Variants in DOCK3 observed in about 807,000 individuals in gnomAD.
DOCK3 encodes the protein dedicator of cytokinesis 3.
DOCK3 carries 60 observed loss-of-function variants against 265.6 expected under a neutral mutation model. The ratio of observed to expected loss-of-function variants is 0.23; its 90% confidence interval spans 0.18 to 0.28. The LOEUF is 0.28. Among genes scored for constraint, DOCK3 ranks in the 10% least tolerant of loss-of-function variants. DOCK3 has a pLI of 1.00. For synonymous variants in DOCK3, 881 were observed against 938.0 expected, an observed-to-expected ratio of 0.94 and a Z score of 1.11; for missense variants, 1,981 against 2,594.3, an observed-to-expected ratio of 0.76 and a Z score of 5.14.
At chr3:51,191,399 T>A (rs1342212682) in intron 12 of DOCK3, among the ~76,000 whole-genome samples, 1 of 152,092 alleles carries the variant, frequency 6.6e-6, no homozygotes, top group Non-Finnish European at 1.5e-5. Flanking sequence ...TGGCTTCCCT[T>A]GGTCCAAGCT....
At chr3:50,855,256 G>A (rs2046531327) in intron 3 of DOCK3, among the ~76,000 whole-genome samples, 1 of 152,068 alleles carries the variant, frequency 6.6e-6, no homozygotes, top group African/African-American at 2.4e-5. Flanking sequence ...CTTTGAATTA[G>A]CAATGAATGT....
intron 1 of DOCK3, among the ~76,000 whole-genome samples, chr3:50,706,726 A>G (rs970902209): frequency 4.0e-5 from 6 of 151,470 alleles, no homozygotes; most frequent in South Asian, 2.1e-4. Context: ...TCAAAATTCA[A>G]TTATTTATTT....
intron 9 of DOCK3, among the ~76,000 whole-genome samples, chr3:51,097,304 C>G (rs2082896742): frequency 6.6e-6 from 1 of 152,166 alleles, no homozygotes; most frequent in Admixed American, 6.5e-5. Flanking sequence ...GATGCCCTTC[C>G]CAGAGTGGAG....
chr3:50,917,216 A>G (rs1361689511), intron 4 of DOCK3, among the ~76,000 whole-genome samples: 1 of 152,164 alleles, frequency 6.6e-6, no homozygotes, highest in Admixed American at 6.5e-5. Flanking sequence ...TGACCTTCAC[A>G]TGATTTCTAG....
intron 5 of DOCK3, among the ~76,000 whole-genome samples, chr3:50,943,020 G>T (rs908839026): frequency 1.3e-5 from 2 of 151,990 alleles, no homozygotes; most frequent in African/African-American, 4.8e-5. Flanking sequence ...AAATGTATCA[G>T]TAACATTTAA....
At chr3:50,690,596 C>A (rs1376157397) in intron 1 of DOCK3, among the ~76,000 whole-genome samples, 2 of 152,160 alleles carry the variant, frequency 1.3e-5, no homozygotes, top group African/African-American at 4.8e-5. Flanking sequence ...CTGGCAACTA[C>A]TGTTCTACAT....
chr3:51,207,720 T>C (rs1310914202), intron 12 of DOCK3, among the ~76,000 whole-genome samples: 4 of 152,146 alleles, frequency 2.6e-5, no homozygotes, highest in Admixed American at 2.6e-4. Context: ...CTATAACTCT[T>C]ACTGGGGTCT....
At chr3:51,350,250 A>G (rs1192911804) in intron 39 of DOCK3, 38 bp from the exon 40 acceptor site, 1 of 1,567,802 alleles carries the variant, frequency 6.4e-7, no homozygotes, top group South Asian at 1.2e-5. Context: ...GGATACCAAC[A>G]GCAGTCAAGC....
At chr3:50,735,798 G>A (rs1191243611) in intron 1 of DOCK3, among the ~76,000 whole-genome samples, 1 of 152,086 alleles carries the variant, frequency 6.6e-6, no homozygotes, top group South Asian at 2.1e-4. Context: ...AGGTTTAATT[G>A]GCTCATGGTT....
chr3:50,675,396 G>A lies in DOCK3; in HGVS notation c.37+96G>A. ...TTCGCATCCTCGTGCCCCCGCCACT[G>A]CCCGCAGGCTGCGCGGCCTCGGCGC... On this transcript the variant is annotated intron_variant, in intron 1 of 52. Coordinates refer to ENST00000266037, the MANE Select transcript of DOCK3 (RefSeq NM_004947.5). This position sits in a 1 kb window ranked among gnomAD's most constrained non-coding sequence, Gnocchi z 6.1. 9.3e-7 allele frequency: 1 copy of A among 1,075,460 alleles called. No homozygotes were observed. Among genetic ancestry groups the A allele is most frequent in the Non-Finnish European group, 1.2e-6 (1 of 860,928 alleles). 66.6% of individuals were successfully genotyped at this position (1,075,460 alleles called of 1,614,324 possible). A position where few individuals can be genotyped will look rare whatever the true frequency, so the allele number is the denominator to read the frequency against.
chr3:50,981,499 T>C (rs2077686815), intron 5 of DOCK3, among the ~76,000 whole-genome samples: 1 of 152,226 alleles, frequency 6.6e-6, no homozygotes, highest in Admixed American at 6.5e-5. Flanking sequence ...TGTTTCTTTG[T>C]TGATTTTATG....
intron 1 of DOCK3, among the ~76,000 whole-genome samples, chr3:50,736,048 C>CG (rs1410447476): frequency 2.0e-5 from 3 of 152,182 alleles, no homozygotes; most frequent in Non-Finnish European, 4.4e-5. Context: ...TATCCCTCCC[C>CG]GCTGCCCCCA....
intron 12 of DOCK3, among the ~76,000 whole-genome samples, chr3:51,206,361 T>C (rs2089208001): frequency 6.6e-6 from 1 of 152,200 alleles, no homozygotes; most frequent in Non-Finnish European, 1.5e-5. Flanking sequence ...CAAGACACAG[T>C]CCTTATCATC....
chr3:50,704,522 G>C (rs917292832), intron 1 of DOCK3, among the ~76,000 whole-genome samples: 1 of 151,530 alleles, frequency 6.6e-6, no homozygotes. Flanking sequence ...TAATGACTTT[G>C]TTACTATAAT....
Position 51,237,472 on chromosome 3 carries a change from A to G in DOCK3, c.2002-18A>G. ...GGCCTCCAGTGAACCCTGATGGCTT[A>G]CTCTCCATATCTCCCAGGTGTTCAT... On this transcript the variant is annotated intron_variant, in intron 20 of 52. Transcript: ENST00000266037. The G allele has an allele frequency of 6.6e-7, 1 of 1,521,158 alleles. No homozygotes were observed. 94.2% of individuals were successfully genotyped at this position (1,521,158 alleles called of 1,614,324 possible).
At chr3:50,940,147 C>T (rs994850844) in intron 5 of DOCK3, among the ~76,000 whole-genome samples, 2 of 151,312 alleles carry the variant, frequency 1.3e-5, no homozygotes, top group Admixed American at 6.6e-5. Context: ...AACACAGTAC[C>T]ATTTATTAGT....
chr3:50,843,509 T>C (rs2045938471), intron 3 of DOCK3, among the ~76,000 whole-genome samples: 1 of 152,218 alleles, frequency 6.6e-6, no homozygotes, highest in Non-Finnish European at 1.5e-5. Context: ...TACTTAGTTC[T>C]TAATTCTCTT....
chr3:50,875,924 C>G (rs1316693642), intron 3 of DOCK3, among the ~76,000 whole-genome samples: 1 of 150,708 alleles, frequency 6.6e-6, no homozygotes, highest in Non-Finnish European at 1.5e-5. Context: ...TAATATGAAA[C>G]ATTTTCATGA....
Position 51,225,786 on chromosome 3 carries a change from A to G in DOCK3, c.1377+13A>G. 6.2e-7 allele frequency: 1 copy of G among 1,607,814 alleles called. No homozygotes were observed. The highest frequency in any genetic ancestry group is 8.5e-7 in the Non-Finnish European group (1 of 1,176,894). ...AGAAATCTTGAAGGTAAGGCTTGCC[A>G]GTCAGTCATTTGGGTTGGAGGATAA... is the stretch of plus-strand genomic sequence containing the variant. On this transcript the variant is annotated intron_variant, in intron 15 of 52. Transcript: ENST00000266037.
Sources: gnomAD v4.1 joint callset for allele counts (sites outside exome capture counted in the v4.1 genomes callset) on GRCh38, gnomAD v4.1.1 for gene constraint, Gnocchi (gnomAD v3.1) non-coding constraint, MANE v1.5 for transcripts, NCBI Gene and HGNC (gene_info 2026-07-23, HGNC 2026-07-21) for gene names.